The following COBLL1 variants were observed in gnomAD, a reference collection of about 807,000 sequenced individuals.
The protein encoded by COBLL1 is cordon-bleu WH2 repeat protein like 1, also known as cordon-bleu protein-like 1.
Under a neutral mutation model 94.8 loss-of-function variants are expected in COBLL1, and 50 were observed. The observed-to-expected ratio is 0.53, with a 90% confidence interval of 0.42 to 0.67. COBLL1 has a LOEUF of 0.67. Ranked by LOEUF, COBLL1 falls within the 30% of genes least tolerant of loss-of-function variation. The probability of loss-of-function intolerance (pLI) is 0.00; values close to 1 mark genes in which losing one functional copy is unlikely to be tolerated. For synonymous variants in COBLL1, 448 were observed against 473.8 expected (o/e 0.95, Z 0.71); for missense variants, 1,362 against 1,348.7 (o/e 1.01, Z -0.15).
chr2:164,669,986 T>C (rs1691219477), intron 1 of COBLL1, among the ~76,000 whole-genome samples: 1 of 152,248 alleles, frequency 6.6e-6, no homozygotes, highest in Admixed American at 6.5e-5. Flanking sequence ...AGCTTGCTAG[T>C]GACTGTCATT....
chr2:164,706,377 A>G (rs958135559), intron 7 of COBLL1, among the ~76,000 whole-genome samples: 2 of 152,180 alleles, frequency 1.3e-5, no homozygotes, highest in Non-Finnish European at 2.9e-5. Context: ...CTGGTGTGAC[A>G]CAGAGTGTGG....
At chr2:164,664,434 A>G (rs1282445327) in intron 2 of COBLL1, among the ~76,000 whole-genome samples, 1 of 152,264 alleles carries the variant, frequency 6.6e-6, no homozygotes, top group East Asian at 1.9e-4. Flanking sequence ...TCAATATTAT[A>G]TTTCTTACAT....
At chr2:164,770,534 C>G (rs550044139) in intron 2 of COBLL1, among the ~76,000 whole-genome samples, 1 of 152,188 alleles carries the variant, frequency 6.6e-6, no homozygotes, top group East Asian at 1.9e-4. Flanking sequence ...ATGTTTTCAT[C>G]TGCCTAGTTT....
intron 3 of COBLL1, among the ~76,000 whole-genome samples, chr2:164,742,048 T>C (rs996096205): frequency 1.3e-5 from 2 of 152,086 alleles, no homozygotes; most frequent in African/African-American, 4.8e-5. Context: ...AAGTTGACCA[T>C]GGATCTCGGT....
intron 2 of COBLL1, chr2:164,761,300 C>G (rs992556428): frequency 3.9e-5 from 6 of 152,084 alleles, no homozygotes; most frequent in African/African-American, 1.5e-4. Flanking sequence ...ACTAGCTACT[C>G]GGGAGGCTGA....
intron 2 of COBLL1, among the ~76,000 whole-genome samples, chr2:164,805,021 T>C (rs1294351812): frequency 6.6e-6 from 1 of 151,998 alleles, no homozygotes; most frequent in African/African-American, 2.4e-5. Flanking sequence ...CTCCTTTCTC[T>C]GAAAATTCAA....
At chr2:164,823,198 T>C (rs992522501) in intron 2 of COBLL1, among the ~76,000 whole-genome samples, 4 of 152,216 alleles carry the variant, frequency 2.6e-5, no homozygotes, top group Admixed American at 2.6e-4. Context: ...TACGAGCAGT[T>C]ACATTACTCC....
chr2:164,768,850 T>C (rs1020636532), intron 2 of COBLL1, among the ~76,000 whole-genome samples: 2 of 152,176 alleles, frequency 1.3e-5, no homozygotes, highest in Admixed American at 1.3e-4. Flanking sequence ...TATATTTGTA[T>C]TGCAAGCACA....
intron 2 of COBLL1, among the ~76,000 whole-genome samples, chr2:164,817,185 G>A (rs1684798921): frequency 6.6e-6 from 1 of 152,144 alleles, no homozygotes. Flanking sequence ...ACTGGTGGAA[G>A]AGGCTTTGTC....
intron 2 of COBLL1, among the ~76,000 whole-genome samples, chr2:164,787,136 T>C (rs747017876): frequency 1.3e-5 from 2 of 152,170 alleles, no homozygotes; most frequent in Non-Finnish European, 2.9e-5. Flanking sequence ...ATCTGGCTAA[T>C]GGTAAGCTTA....
Position 164,756,783 on chromosome 2 carries a change from G to GA in COBLL1, c.42-12909dup, listed in dbSNP as rs537934148. Among the ~76,000 whole-genome samples the GA allele has an allele frequency of 5.5e-4, 84 of 151,750 alleles. 1 individual carries two copies. The highest frequency in any genetic ancestry group is 9.6e-4 in the Non-Finnish European group (65 of 67,868). On this transcript the variant is annotated intron_variant, in intron 2 of 13. Transcript: ENST00000652658. ...AAAAAAGATACACACTTGCAAAAAG[G>GA]AAAAAAAATCTACATACTAATCACC...
Position 164,713,905 on chromosome 2 carries a change from T to G in COBLL1, c.996+8170A>C, listed in dbSNP as rs535863341. On this transcript the variant is annotated intron_variant, in intron 7 of 13. Coordinates refer to ENST00000652658, the MANE Select transcript of COBLL1 (RefSeq NM_001365672.2). ...GCACGTTCATCTGTTAGAGGCCAAT[T>G]TTAAAAAATAGCAAAATAGCATAAT... Among the ~76,000 whole-genome samples the G allele has an allele frequency of 9.3e-4, 142 of 152,208 alleles. 1 individual carries two copies. Among genetic ancestry groups the G allele is most frequent in the African/African-American group, 3.0e-3 (124 of 41,536 alleles).
chr2:164,804,366 GCT>G (rs1491359595), intron 2 of COBLL1, among the ~76,000 whole-genome samples: 2 of 151,826 alleles, frequency 1.3e-5, no homozygotes, highest in African/African-American at 2.4e-5. Flanking sequence ...ATTCATGCGT[GCT>G]TTTTTTAAAA....
intron 2 of COBLL1, among the ~76,000 whole-genome samples, chr2:164,833,574 C>T (rs891096641): frequency 2.0e-5 from 3 of 151,896 alleles, no homozygotes; most frequent in East Asian, 2.0e-4. Context: ...CCTCAGCCTC[C>T]CGAGTAGCTG....
downstream of COBLL1, among the ~76,000 whole-genome samples, chr2:164,675,942 G>A (rs192526543): frequency 7.2e-5 from 11 of 152,218 alleles, no homozygotes; most frequent in African/African-American, 2.6e-4. Context: ...GTACTTGAGT[G>A]CACTAAAAAT....
At chr2:164,797,799 A>C (rs1188962547) in intron 2 of COBLL1, among the ~76,000 whole-genome samples, 1 of 152,230 alleles carries the variant, frequency 6.6e-6, no homozygotes, top group Non-Finnish European at 1.5e-5. Flanking sequence ...CCTCCTTGCA[A>C]ACAGAAAGTT....
At chr2:164,673,543 C>T (rs918193710) in intron 1 of COBLL1, among the ~76,000 whole-genome samples, 4 of 151,912 alleles carry the variant, frequency 2.6e-5, no homozygotes, top group African/African-American at 9.7e-5. Context: ...GGTGTGGTGG[C>T]GCATGTTTGT....
chr2:164,685,370 G>A lies in COBLL1; in HGVS notation c.*576C>T, dbSNP rs1453216420. 3 of 152,206 alleles carry A rather than the reference G, an allele frequency of 2.0e-5. No individual in the cohort carries two copies. In the East Asian group the frequency reaches 5.8e-4, roughly 29 times the overall value. The allele number at this position is 152,206 out of a possible 1,614,324, so 9.4% of individuals were successfully genotyped here. On this transcript the variant is annotated 3_prime_UTR_variant, in exon 14 of 14. Coordinates refer to ENST00000652658, the MANE Select transcript of COBLL1 (RefSeq NM_001365672.2). ...CTTCCCATAAAATTGACAGTGATTT[G>A]TAATTACATAAAGAATACACAAGGC...
downstream of COBLL1, among the ~76,000 whole-genome samples, chr2:164,679,762 T>A (rs896523769): frequency 7.4e-6 from 1 of 135,080 alleles, no homozygotes; most frequent in Non-Finnish European, 1.6e-5. Context: ...GAAGGGAACA[T>A]CATACACTGG....
Sources: gnomAD v4.1 joint callset for allele counts (sites outside exome capture counted in the v4.1 genomes callset) on GRCh38, gnomAD v4.1.1 for gene constraint, MANE v1.5 for transcripts, NCBI Gene and HGNC (gene_info 2026-07-23, HGNC 2026-07-21) for gene names.